The following PPARGC1A variants were observed in gnomAD, a reference collection of about 807,000 sequenced individuals.
PPARGC1A encodes PPARG coactivator 1 alpha, also known as peroxisome proliferator-activated receptor gamma coactivator 1-alpha.
A neutral mutation model predicts 88.7 loss-of-function variants in PPARGC1A; 25 were observed. The observed-to-expected ratio is 0.28, with a 90% CI of 0.21 to 0.39. The LOEUF is 0.39. Ranked by LOEUF, PPARGC1A falls within the 10% of genes least tolerant of loss-of-function variation. The pLI is 1.00. For missense variants in PPARGC1A, 880 were observed against 968.7 expected, an observed-to-expected ratio of 0.91 and a Z score of 1.22; for synonymous variants, 363 against 355.6, an observed-to-expected ratio of 1.02 and a Z score of -0.24.
At chr4:24,368,455 T>G in the PPARGC1A span, among the ~76,000 whole-genome samples, 26 of 152,280 alleles carry the variant, frequency 1.7e-4, no homozygotes, top group Non-Finnish European at 3.2e-4. Flanking sequence ...TTTCCCCTGA[T>G]ATCATTTATA....
At chr4:24,338,931 C>G in the PPARGC1A span, among the ~76,000 whole-genome samples, 2 of 152,078 alleles carry the variant, frequency 1.3e-5, no homozygotes, top group Admixed American at 6.6e-5. Flanking sequence ...ATATCCATGA[C>G]ATGAAATTAG....
chr4:24,079,008 G>A, the PPARGC1A span, among the ~76,000 whole-genome samples: 924 of 151,886 alleles, frequency 6.1e-3, 10 homozygotes, highest in South Asian at 0.031. Flanking sequence ...CCATTTGAAC[G>A]GCTTTCTCAT....
chr4:24,308,293 G>GAAAAAA, the PPARGC1A span, among the ~76,000 whole-genome samples: 7 of 72,944 alleles, frequency 9.6e-5, no homozygotes, highest in South Asian at 5.7e-4. Context: ...CTCTGCCACC[G>GAAAAAA]AAAAAAAAAA....
chr4:24,007,562 G>T, the PPARGC1A span, among the ~76,000 whole-genome samples: 1 of 151,426 alleles, frequency 6.6e-6, no homozygotes, highest in Non-Finnish European at 1.5e-5. Flanking sequence ...AAGTGACAGA[G>T]GTTGAAGGCA....
At chr4:24,044,711 CAGAG>C in the PPARGC1A span, among the ~76,000 whole-genome samples, 9 of 152,270 alleles carry the variant, frequency 5.9e-5, no homozygotes, top group Admixed American at 2.0e-4. Context: ...CATGTGGTGA[CAGAG>C]AGTTCCACCA....
At chr4:24,160,739 C>T in the PPARGC1A span, among the ~76,000 whole-genome samples, 101 of 152,288 alleles carry the variant, frequency 6.6e-4, no homozygotes, top group African/African-American at 2.2e-3. Flanking sequence ...GTTCTTCATA[C>T]CTAGAACAGG....
the PPARGC1A span, among the ~76,000 whole-genome samples, chr4:24,216,723 A>G: frequency 0.092 from 14,072 of 152,150 alleles, 949 homozygotes; most frequent in African/African-American, 0.19. Context: ...ATACAAACAA[A>G]CCTTAATACC....
At chr4:23,923,116 G>GTTTTTTTTTTTTT in the PPARGC1A span, among the ~76,000 whole-genome samples, 6 of 131,690 alleles carry the variant, frequency 4.6e-5, no homozygotes, top group Admixed American at 1.5e-4. Flanking sequence ...TTTGTTGCTT[G>GTTTTTTTTTTTTT]TTTTTTTTTT....
chr4:24,469,774 G>A, the PPARGC1A span, among the ~76,000 whole-genome samples: 1 of 152,058 alleles, frequency 6.6e-6, no homozygotes, highest in Non-Finnish European at 1.5e-5. Flanking sequence ...TGAAGAAGCC[G>A]GTAGTTTTCC....
chr4:24,170,842 A>G, the PPARGC1A span, among the ~76,000 whole-genome samples: 5 of 152,186 alleles, frequency 3.3e-5, no homozygotes, highest in South Asian at 2.1e-4. Flanking sequence ...AAGAACCTCA[A>G]TATCTTGCAA....
At chr4:23,873,974 A>G (rs1246020775) in intron 2 of PPARGC1A, among the ~76,000 whole-genome samples, 1 of 152,106 alleles carries the variant, frequency 6.6e-6, no homozygotes, top group Admixed American at 6.5e-5. Flanking sequence ...GAGAAAAGGA[A>G]CCCATCAACA....
the PPARGC1A span, among the ~76,000 whole-genome samples, chr4:24,306,428 A>G: frequency 3.0e-4 from 46 of 152,196 alleles, no homozygotes; most frequent in Non-Finnish European, 5.6e-4. Context: ...GAAGCAGATG[A>G]CTAAAAAGGA....
chr4:24,410,448 G>T, the PPARGC1A span, among the ~76,000 whole-genome samples: 6 of 152,260 alleles, frequency 3.9e-5, no homozygotes, highest in Admixed American at 2.0e-4. Context: ...CCCAAAGAGT[G>T]CCCGCAGACT....
the PPARGC1A span, among the ~76,000 whole-genome samples, chr4:24,137,916 GACA>G: frequency 6.6e-6 from 1 of 152,122 alleles, no homozygotes; most frequent in African/African-American, 2.4e-5. Context: ...ATTCTATGAT[GACA>G]ACAAGCCCAG....
the PPARGC1A span, among the ~76,000 whole-genome samples, chr4:24,401,351 C>T: frequency 6.6e-6 from 1 of 152,128 alleles, no homozygotes; most frequent in East Asian, 1.9e-4. Context: ...TTAGCATTGT[C>T]ATGAGGGTAT....
the PPARGC1A span, among the ~76,000 whole-genome samples, chr4:24,278,851 C>G: frequency 3.3e-5 from 5 of 152,310 alleles, no homozygotes; most frequent in African/African-American, 1.2e-4. Flanking sequence ...AACCACACAG[C>G]TGAACCTCTG....
the PPARGC1A span, among the ~76,000 whole-genome samples, chr4:23,999,091 C>A: frequency 3.9e-5 from 6 of 152,136 alleles, no homozygotes; most frequent in African/African-American, 1.2e-4. Flanking sequence ...TGGTTACAGA[C>A]AACAAAGAAA....
At chr4:24,198,412 C>T in the PPARGC1A span, among the ~76,000 whole-genome samples, 144 of 152,290 alleles carry the variant, frequency 9.5e-4, no homozygotes, top group South Asian at 3.1e-3. Context: ...TGGATCTCAT[C>T]TCCAGTTTTC....
chr4:24,043,826 A>G, the PPARGC1A span, among the ~76,000 whole-genome samples: 5 of 152,186 alleles, frequency 3.3e-5, no homozygotes, highest in East Asian at 3.9e-4. Flanking sequence ...CTATATAGCA[A>G]GAAACTTGAA....
Sources: allele counts gnomAD v4.1 joint callset (sites outside exome capture counted in the v4.1 genomes callset), GRCh38; gene constraint gnomAD v4.1.1; transcripts MANE v1.5; gene names NCBI Gene and HGNC (gene_info 2026-07-23, HGNC 2026-07-21).